PRSS23: variants seen among roughly 807,000 people sequenced by gnomAD.
PRSS23 encodes serine protease 23.
PRSS23 carries 25 observed loss-of-function variants against 34.7 expected under a neutral mutation model. The observed-to-expected ratio is 0.72, with a 90% CI of 0.53 to 1.01. The LOEUF is 1.01. Among genes scored for constraint, PRSS23 ranks in the 50% least tolerant of loss-of-function variants. The pLI is 0.00. For synonymous variants in PRSS23, 176 were observed against 186.6 expected (o/e 0.94, Z 0.46); for missense variants, 445 against 475.6 (o/e 0.94, Z 0.60).
At chr11:86,861,727 G>T (rs1035465544) in intron 2 of PRSS23, among the ~76,000 whole-genome samples, 4 of 151,768 alleles carry the variant, frequency 2.6e-5, no homozygotes, top group Non-Finnish European at 5.9e-5. Context: ...TGACTCAGGG[G>T]TGTACACCCC....
chr11:86,836,454 G>T (rs1948406278), intron 2 of PRSS23, among the ~76,000 whole-genome samples: 1 of 152,172 alleles, frequency 6.6e-6, no homozygotes. Flanking sequence ...CCTTCCTCAA[G>T]CAGGGAAGAA....
At chr11:86,951,714 G>A in exon 3 of PRSS23, 1 of 1,614,116 alleles carries the variant, frequency 6.2e-7, no homozygotes, top group African/African-American at 1.3e-5. Context: ...GCTGCAATGT[G>A]GAAATAAGAG....
intron 2 of PRSS23, among the ~76,000 whole-genome samples, chr11:86,856,555 T>G (rs1406417893): frequency 6.6e-6 from 1 of 152,200 alleles, no homozygotes; most frequent in Non-Finnish European, 1.5e-5. Flanking sequence ...GTGAATTTGA[T>G]GTACAGTATG....
chr11:86,793,496 G>T (rs893259852), intron 1 of PRSS23, among the ~76,000 whole-genome samples: 2 of 152,174 alleles, frequency 1.3e-5, no homozygotes, highest in African/African-American at 4.8e-5. Flanking sequence ...TAGCCATAGC[G>T]TGAGTAGTGA....
At chr11:86,901,119 C>T (rs1398140241) in intron 2 of PRSS23, among the ~76,000 whole-genome samples, 1 of 152,032 alleles carries the variant, frequency 6.6e-6, no homozygotes, top group Non-Finnish European at 1.5e-5. Context: ...TTCCCTGTCT[C>T]CCAATCCAAA....
chr11:86,796,416 C>T (rs941326378), upstream of PRSS23, among the ~76,000 whole-genome samples: 4 of 151,900 alleles, frequency 2.6e-5, no homozygotes, highest in East Asian at 3.9e-4. Flanking sequence ...CCGAGGCGGG[C>T]GGATCACGAG....
chr11:86,846,916 T>A (rs1948490475), intron 2 of PRSS23, among the ~76,000 whole-genome samples: 1 of 152,228 alleles, frequency 6.6e-6, no homozygotes, highest in South Asian at 2.1e-4. Context: ...TTCATGTGGA[T>A]AGTAGAAGCC....
chr11:86,891,133 A>G (rs1256055803), intron 2 of PRSS23, among the ~76,000 whole-genome samples: 1 of 152,178 alleles, frequency 6.6e-6, no homozygotes, highest in Non-Finnish European at 1.5e-5. Flanking sequence ...GTTTTCTGTA[A>G]TCAGACTGAG....
intron 2 of PRSS23, among the ~76,000 whole-genome samples, chr11:86,881,703 A>G (rs941375383): frequency 1.3e-5 from 2 of 152,172 alleles, no homozygotes; most frequent in African/African-American, 4.8e-5. Context: ...GGTAGAATTC[A>G]CCAGTGAAAT....
chr11:86,870,700 T>C (rs554614564), intron 2 of PRSS23, among the ~76,000 whole-genome samples: 14 of 152,334 alleles, frequency 9.2e-5, no homozygotes, highest in South Asian at 2.1e-4. Context: ...CTTCCTTTCA[T>C]CTGTGCATCA....
chr11:86,900,565 C>G (rs1403830893), intron 2 of PRSS23, among the ~76,000 whole-genome samples: 1 of 152,100 alleles, frequency 6.6e-6, no homozygotes, highest in African/African-American at 2.4e-5. Context: ...CCTGCATGGT[C>G]TGGCTCTGAG....
chr11:86,808,430 A>T lies in PRSS23; in HGVS notation c.787A>T (p.Ile263Phe), dbSNP rs1013585382. The change falls in exon 2 of 2, where the codon ATT becomes TTT. Residue 263 changes from isoleucine (I) to phenylalanine (F), a missense_variant. By Grantham distance (21) the Ile-to-Phe change is conservative. Transcript: ENST00000280258. ...GCCCCACAAGAGAAAATTTATGAAGATTGGGGTGAGCCCTCCTGCTAAGCA... is the reference window on the plus strand; with the variant it reads ...GCCCCACAAGAGAAAATTTATGAAGTTTGGGGTGAGCCCTCCTGCTAAGCA... ...KKPHKRKFMK[I>F]GVSPPAKQLP... is the part of the protein sequence containing the mutation. 3 of 1,614,214 alleles carry T rather than the reference A, an allele frequency of 1.9e-6. No homozygotes were observed. The South Asian group carries it at 3.3e-5, about 18-fold the overall frequency.
At position 86,808,873 on chromosome 11, in the gene PRSS23, G is replaced by A; in HGVS notation, c.*78G>A. On this transcript the variant is annotated 3_prime_UTR_variant, in exon 2 of 2. Transcript: ENST00000280258. ...AGAGGCCAAATTGTTTTTTGTCATT[G>A]GCGTGCACACGTGTGTGTGTGTGTG... The A allele has an allele frequency of 8.1e-7, 1 of 1,231,822 alleles. No homozygotes were observed. 76.3% of individuals were successfully genotyped at this position (1,231,822 alleles called of 1,614,324 possible).
upstream of PRSS23, among the ~76,000 whole-genome samples, chr11:86,798,975 G>A (rs1318812272): frequency 6.6e-6 from 1 of 152,174 alleles, no homozygotes; most frequent in Non-Finnish European, 1.5e-5. Context: ...GATTACAGGC[G>A]TGAGCCACTG....
At chr11:86,923,490 A>G (rs1281272029) in intron 2 of PRSS23, among the ~76,000 whole-genome samples, 1 of 152,318 alleles carries the variant, frequency 6.6e-6, no homozygotes, top group South Asian at 2.1e-4. Flanking sequence ...GACAAAGCAG[A>G]ACTAGACTAT....
chr11:86,820,899 C>G (rs1476482721), intron 1 of PRSS23, among the ~76,000 whole-genome samples: 2 of 152,138 alleles, frequency 1.3e-5, no homozygotes, highest in Admixed American at 1.3e-4. Context: ...CTTTTATTAA[C>G]AGGCATTATA....
intron 1 of PRSS23, among the ~76,000 whole-genome samples, chr11:86,794,823 T>C (rs1433589167): frequency 6.6e-6 from 1 of 152,148 alleles, no homozygotes; most frequent in Non-Finnish European, 1.5e-5. Context: ...AAGGAAAATT[T>C]TAAATTAAAC....
At chr11:86,867,874 C>CAAAAA (rs11352878) in intron 2 of PRSS23, among the ~76,000 whole-genome samples, 3 of 118,332 alleles carry the variant, frequency 2.5e-5, no homozygotes, top group African/African-American at 1.1e-4. Flanking sequence ...GACCCTACCT[C>CAAAAA]AAAAAAAAAA....
upstream of PRSS23, among the ~76,000 whole-genome samples, chr11:86,798,625 T>A (rs1429761114): frequency 6.6e-6 from 1 of 152,218 alleles, no homozygotes; most frequent in East Asian, 1.9e-4. Flanking sequence ...TGGAAGAAAA[T>A]TTTTATAAAT....
Sources: gnomAD v4.1 joint callset for allele counts (sites outside exome capture counted in the v4.1 genomes callset) on GRCh38, gnomAD v4.1.1 for gene constraint, MANE v1.5 for transcripts, NCBI Gene and HGNC (gene_info 2026-07-23, HGNC 2026-07-21) for gene names.